The following FNIP2 variants were observed in gnomAD, a reference collection of about 807,000 sequenced individuals.
FNIP2 encodes folliculin interacting protein 2, also known as folliculin-interacting protein 2.
FNIP2 carries 32 observed loss-of-function variants against 108.7 expected under a neutral mutation model. The observed-to-expected ratio is 0.29, with a 90% CI of 0.22 to 0.40. The LOEUF (loss-of-function observed/expected upper bound fraction) is 0.40. Ranked by LOEUF, FNIP2 falls within the 10% of genes least tolerant of loss-of-function variation. The probability of loss-of-function intolerance (pLI) is 1.00; values close to 1 mark genes in which losing one functional copy is unlikely to be tolerated. For synonymous variants in FNIP2, 480 were observed against 496.7 expected, an observed-to-expected ratio of 0.97 and a Z score of 0.45; for missense variants, 1,202 against 1,381.6, an observed-to-expected ratio of 0.87 and a Z score of 2.06.
intron 16 of FNIP2, among the ~76,000 whole-genome samples, chr4:158,903,256 C>T (rs377284975): frequency 6.6e-5 from 10 of 152,132 alleles, no homozygotes; most frequent in African/African-American, 2.4e-4. Flanking sequence ...TTGCACTTCC[C>T]GAGTAAGGCA....
chr4:158,907,910 A>AATTG lies in FNIP2; in HGVS notation c.*3369_*3372dup, dbSNP rs980798122. The AATTG allele has an allele frequency of 1.3e-5, 2 of 152,212 alleles. No homozygotes were observed. Among genetic ancestry groups the AATTG allele is most frequent in the African/African-American group, 4.8e-5 (2 of 41,444 alleles). The allele number at this position is 152,212 out of a possible 1,614,324, so 9.4% of individuals were successfully genotyped here. A position where few individuals can be genotyped will look rare whatever the true frequency, so the allele number is the denominator to read the frequency against. On this transcript the variant is annotated 3_prime_UTR_variant, in exon 17 of 17. Coordinates refer to ENST00000264433, the MANE Select transcript of FNIP2 (RefSeq NM_020840.3). ...TTGTCATTTGAAGCTCCATAAGAGA[A>AATTG]ATTGATAGGACTTCGTTTTTGATCA...
chr4:158,861,606 G>A lies in FNIP2; in HGVS notation c.1296-1G>A. ...GTTGTATCTTTTTCCATTTCTCCAA[G>A]GTTTTTTGCTGCCTTACTGACTGCG... On this transcript the variant is annotated splice_acceptor_variant, in intron 11 of 16. Transcript: ENST00000264433. LOFTEE classifies it high-confidence loss of function. The A allele has an allele frequency of 6.2e-7, 1 of 1,613,962 alleles. No individual in the cohort carries two copies.
chr4:158,870,085 C>T (rs1292910919), intron 13 of FNIP2, among the ~76,000 whole-genome samples: 2 of 152,096 alleles, frequency 1.3e-5, no homozygotes, highest in African/African-American at 4.8e-5. Context: ...ATATGAGGTA[C>T]AAAAACAAAC....
intron 12 of FNIP2, among the ~76,000 whole-genome samples, chr4:158,866,967 T>G (rs1578940718): frequency 6.6e-6 from 1 of 152,208 alleles, no homozygotes; most frequent in South Asian, 2.1e-4. Flanking sequence ...ATCAAATGTG[T>G]AACTTATTAT....
chr4:158,886,121 T>A (rs1186335933), intron 14 of FNIP2, among the ~76,000 whole-genome samples: 2 of 152,222 alleles, frequency 1.3e-5, no homozygotes, highest in Non-Finnish European at 2.9e-5. Context: ...CAAAGAAAAC[T>A]CAATAATCTT....
rs201604714 is a variant in FNIP2, at chr4:158,851,322, C to T, written c.729C>T (p.Ala243=). The T allele has an allele frequency of 3.1e-4, 493 of 1,613,784 alleles. 1 individual carries two copies. The highest frequency in any genetic ancestry group is 6.7e-4 in the Admixed American group (40 of 60,002). ...TCAAATTCCAAATTCTTCCTACAGC[C>T]TCACTAAGCAGTCTTTTGATCACAC... is the stretch of plus-strand genomic sequence containing the variant. ...EDRDSGIARS[A]SLSSLLITPF... Residue 243 remains alanine, a splice_region_variant and synonymous_variant, in exon 8 of 17, where the codon GCC becomes GCT. Coordinates refer to ENST00000264433, the MANE Select transcript of FNIP2 (RefSeq NM_020840.3).
chr4:158,796,886 A>G (rs927058211), intron 1 of FNIP2, among the ~76,000 whole-genome samples: 4 of 152,132 alleles, frequency 2.6e-5, no homozygotes, highest in Non-Finnish European at 5.9e-5. Flanking sequence ...GTTCCCTGGT[A>G]TGACACCCTC....
intron 1 of FNIP2, chr4:158,806,057 C>G: frequency 1.1e-6 from 1 of 872,222 alleles, no homozygotes; most frequent in Non-Finnish European, 1.4e-6. Context: ...TTTTTTTAAA[C>G]CTTTGAAAGG....
chr4:158,779,660 C>T (rs1385025120), intron 1 of FNIP2, among the ~76,000 whole-genome samples: 6 of 151,044 alleles, frequency 4.0e-5, no homozygotes, highest in African/African-American at 1.2e-4. Context: ...GCCTCAACCT[C>T]CCGGGCTTAA....
intron 14 of FNIP2, among the ~76,000 whole-genome samples, chr4:158,877,952 C>A (rs193169946): frequency 1.3e-5 from 2 of 151,960 alleles, no homozygotes; most frequent in Non-Finnish European, 2.9e-5. Flanking sequence ...CCCCCACCCC[C>A]CCTCACCCAC....
intron 1 of FNIP2, among the ~76,000 whole-genome samples, chr4:158,812,332 C>T (rs1316230641): frequency 6.6e-6 from 1 of 152,056 alleles, no homozygotes; most frequent in Non-Finnish European, 1.5e-5. Flanking sequence ...AGGACTGACC[C>T]TCCTTTTTCC....
chr4:158,861,714 C>T lies in FNIP2; in HGVS notation c.1403C>T (p.Thr468Ile). 1.2e-6 allele frequency: 2 copies of T among 1,614,030 alleles called. No individual in the cohort carries two copies. Among genetic ancestry groups the T allele is most frequent in the Non-Finnish European group, 1.7e-6 (2 of 1,179,910 alleles). ...ATCAAAGCCTTCTCAGAGAAACGTA[C>T]CTCCCAGTCAGTGAACATGCTGGCC... ...PPIKAFSEKRTSQSVNMLAKT... is the reference protein window; with the variant it reads ...PPIKAFSEKRISQSVNMLAKT... The change falls in exon 12 of 17, where the codon ACC becomes ATC. Residue 468 changes from threonine to isoleucine, a missense_variant. Around this residue, in one of 5 missense-constraint regions of FNIP2, gnomAD observed 878 missense variants for 990.3 expected, o/e 0.89. Transcript: ENST00000264433.
chr4:158,785,808 A>G (rs1249959590), intron 1 of FNIP2, among the ~76,000 whole-genome samples: 1 of 151,596 alleles, frequency 6.6e-6, no homozygotes, highest in Non-Finnish European at 1.5e-5. Context: ...CAAGAAATGT[A>G]TGGGGTATTT....
At chr4:158,882,469 T>C (rs1342455930) in intron 14 of FNIP2, among the ~76,000 whole-genome samples, 6 of 151,962 alleles carry the variant, frequency 3.9e-5, no homozygotes, top group African/African-American at 1.4e-4. Context: ...GGAGCCCCTC[T>C]GCCTGGCCGC....
chr4:158,864,810 CCTT>C (rs1397902856), intron 12 of FNIP2, among the ~76,000 whole-genome samples: 2 of 152,026 alleles, frequency 1.3e-5, no homozygotes, highest in African/African-American at 4.8e-5. Context: ...TATCTCCTCT[CCTT>C]CTCCATCCTC....
intron 1 of FNIP2, among the ~76,000 whole-genome samples, chr4:158,796,897 T>G (rs1417436368): frequency 6.6e-6 from 1 of 152,160 alleles, no homozygotes; most frequent in Non-Finnish European, 1.5e-5. Context: ...TGACACCCTC[T>G]CTCAGCAGGG....
rs921308734 is a variant in FNIP2, at chr4:158,851,526, G to C, written c.857+76G>C. ...GATGAAACTGGCAGGGAGGCTGTTC[G>C]TGCCTATTGTCAGTGGAAAAAAAAC... On this transcript the variant is annotated intron_variant, in intron 8 of 16. Coordinates refer to ENST00000264433, the MANE Select transcript of FNIP2 (RefSeq NM_020840.3). 8 of 1,557,382 alleles carry C rather than the reference G, an allele frequency of 5.1e-6. No individual in the cohort carries two copies. In the African/African-American group the frequency reaches 8.2e-5, roughly 16 times the overall value.
At chr4:158,799,528 G>A (rs1776694784) in intron 1 of FNIP2, among the ~76,000 whole-genome samples, 1 of 152,122 alleles carries the variant, frequency 6.6e-6, no homozygotes. Flanking sequence ...AGAGTGTCCT[G>A]ATCACATGAT....
intron 1 of FNIP2, among the ~76,000 whole-genome samples, chr4:158,793,473 G>C (rs1776487516): frequency 6.6e-6 from 1 of 152,142 alleles, no homozygotes; most frequent in Non-Finnish European, 1.5e-5. Flanking sequence ...AGGAGGGGAG[G>C]ACAGGAGTGA....
Sources: allele counts gnomAD v4.1 joint callset (sites outside exome capture counted in the v4.1 genomes callset), GRCh38; gene constraint gnomAD v4.1.1; regional missense constraint gnomAD v4.1.1; transcripts MANE v1.5; gene names NCBI Gene and HGNC (gene_info 2026-07-23, HGNC 2026-07-21).